CLASP2: variants seen among roughly 807,000 people sequenced by gnomAD.
CLASP2 encodes the protein cytoplasmic linker associated protein 2, also known as CLIP-associating protein 2.
In CLASP2, 47 loss-of-function variants were observed where a neutral mutation model predicts 194.4. The observed-to-expected ratio is 0.24, with a 90% confidence interval of 0.19 to 0.31. The LOEUF (loss-of-function observed/expected upper bound fraction) is 0.31, where lower values mean the gene tolerates loss of function less well. CLASP2 is among the 10% of genes least tolerant of loss of function. The pLI is 1.00. For synonymous variants in CLASP2, 619 were observed against 633.5 expected, an observed-to-expected ratio of 0.98 and a Z score of 0.34; for missense variants, 1,445 against 1,823.6, an observed-to-expected ratio of 0.79 and a Z score of 3.78.
intron 37 of CLASP2, among the ~76,000 whole-genome samples, chr3:33,505,765 GTT>G (rs1346610357): frequency 3.3e-5 from 5 of 152,136 alleles, no homozygotes; most frequent in Non-Finnish European, 7.3e-5. Context: ...ACCTAAAAAA[GTT>G]TTCTTATTTG....
chr3:33,585,020 G>C (rs897567070), intron 21 of CLASP2, 100 bp from the exon 22 acceptor site: 5 of 998,110 alleles, frequency 5.0e-6, no homozygotes, highest in Non-Finnish European at 7.2e-6. Flanking sequence ...AGAGAAAACT[G>C]TGACAGTATG....
chr3:33,645,828 A>C (rs1041963274), intron 7 of CLASP2, among the ~76,000 whole-genome samples: 5 of 152,046 alleles, frequency 3.3e-5, no homozygotes, highest in African/African-American at 1.2e-4. Context: ...AAACCAAACA[A>C]AACAATTTGT....
At chr3:33,694,459 CAG>C (rs1430586799) in intron 2 of CLASP2, among the ~76,000 whole-genome samples, 1 of 152,176 alleles carries the variant, frequency 6.6e-6, no homozygotes, top group Non-Finnish European at 1.5e-5. Flanking sequence ...CAATTAATAA[CAG>C]GGAGCTACTA....
At chr3:33,700,973 CAATT>C (rs1351368461) in intron 1 of CLASP2, among the ~76,000 whole-genome samples, 5 of 152,148 alleles carry the variant, frequency 3.3e-5, no homozygotes, top group African/African-American at 1.2e-4. Flanking sequence ...ATAATTCTAA[CAATT>C]AAGTCCAAGA....
rs528632382 is a variant in CLASP2 at position 33,590,972 on chromosome 3, G to A, written c.2068+1423C>T. Among the ~76,000 whole-genome samples, 13 of 152,206 alleles carry A rather than the reference G, an allele frequency of 8.5e-5. No homozygotes were observed. In the South Asian group the frequency reaches 2.7e-3, roughly 32 times the overall value. On this transcript the variant is annotated intron_variant, in intron 21 of 38. Coordinates refer to ENST00000682230, the MANE Select transcript of CLASP2 (RefSeq NM_001365631.1). ...GAGGCAGGAGTATGGCTTGAGCCCA[G>A]GAGTTTGAGACCAGCCTGGGCAACA... is the stretch of plus-strand genomic sequence containing the variant.
intron 7 of CLASP2, among the ~76,000 whole-genome samples, chr3:33,647,618 A>G (rs573502266): frequency 2.0e-5 from 3 of 152,224 alleles, no homozygotes; most frequent in African/African-American, 7.2e-5. Context: ...ATATACACAC[A>G]ATATGTAAAC....
chr3:33,657,896 T>G (rs1418899247), intron 7 of CLASP2, among the ~76,000 whole-genome samples: 3 of 152,102 alleles, frequency 2.0e-5, no homozygotes, highest in African/African-American at 7.2e-5. Context: ...CTTAGAAGAG[T>G]TCACTACATA....
At position 33,544,750 on chromosome 3, in the gene CLASP2, C is replaced by T. The variant is rs776709778; in HGVS notation, c.3245G>A (p.Gly1082Asp). The T allele has an allele frequency of 6.2e-7, 1 of 1,613,432 alleles. No individual in the cohort carries two copies. Among genetic ancestry groups the T allele is most frequent in the Non-Finnish European group, 8.5e-7 (1 of 1,179,620 alleles). Residue 1082 changes from glycine to aspartate, a missense_variant, in exon 31 of 39, where the codon GGT becomes GAT. This residue lies in a region of CLASP2 where 732 missense variants were observed against 987.9 expected (regional missense o/e 0.74). Transcript: ENST00000682230. The part of the protein sequence containing the change: ...LGALPKTFQD[G>D]ATKLLHNHLR... ...GTGATTATGAAGAAGCTTGGTAGCA[C>T]CATCCTGAAAAGTTTTTGGTAAAGC...
At chr3:33,551,939 G>GTTTT in intron 29 of CLASP2, among the ~76,000 whole-genome samples, 1 of 131,336 alleles carries the variant, frequency 7.6e-6, no homozygotes, top group Non-Finnish European at 1.7e-5. Flanking sequence ...GGGCAATATA[G>GTTTT]TTTTTTTTTT....
Position 33,596,556 on chromosome 3 carries a change from T to C in CLASP2, c.1948+155A>G, listed in dbSNP as rs754890702. 5.8e-6 allele frequency: 4 copies of C among 692,462 alleles called. No homozygotes were observed. In the East Asian group the frequency reaches 7.9e-5, roughly 14 times the overall value. The allele number at this position is 692,462 out of a possible 1,614,324, so 42.9% of individuals were successfully genotyped here. A position where few individuals can be genotyped will look rare whatever the true frequency, so the allele number is the denominator to read the frequency against. Reference sequence around the variant, plus strand: ...ATAGATATCCCTAACCCCAAATTCATTCAGAGAATTATGTAGCCATTTTCA... The same window carrying C: ...ATAGATATCCCTAACCCCAAATTCACTCAGAGAATTATGTAGCCATTTTCA... On this transcript the variant is annotated intron_variant, in intron 19 of 38. Transcript: ENST00000682230.
intron 18 of CLASP2, among the ~76,000 whole-genome samples, chr3:33,600,953 C>CTCT (rs1553830236): frequency 1.9e-5 from 2 of 105,782 alleles, no homozygotes; most frequent in Admixed American, 1.2e-4. Flanking sequence ...CTTGATAAGG[C>CTCT]TTTTTTTTTT....
intron 36 of CLASP2, among the ~76,000 whole-genome samples, chr3:33,514,386 G>A (rs1300605247): frequency 1.3e-5 from 2 of 152,122 alleles, no homozygotes; most frequent in Non-Finnish European, 2.9e-5. Context: ...TCTGTTGTTG[G>A]TTGCTTCTGC....
intron 26 of CLASP2, among the ~76,000 whole-genome samples, chr3:33,570,183 T>C (rs955655070): frequency 6.6e-6 from 1 of 152,132 alleles, no homozygotes; most frequent in Non-Finnish European, 1.5e-5. Context: ...AATAAATATA[T>C]TTTAATCAAC....
intron 1 of CLASP2, among the ~76,000 whole-genome samples, chr3:33,701,918 G>T (rs1361537897): frequency 6.6e-6 from 1 of 152,018 alleles, no homozygotes; most frequent in Non-Finnish European, 1.5e-5. Context: ...ATAATTCTTA[G>T]AGACAACATG....
At chr3:33,716,401 C>T (rs1161492125) in intron 1 of CLASP2, among the ~76,000 whole-genome samples, 1 of 152,146 alleles carries the variant, frequency 6.6e-6, no homozygotes, top group Non-Finnish European at 1.5e-5. Context: ...AGAATATCAG[C>T]GTGATTGCTC....
intron 12 of CLASP2, among the ~76,000 whole-genome samples, chr3:33,612,361 G>A (rs969753400): frequency 6.6e-6 from 1 of 152,164 alleles, no homozygotes; most frequent in Non-Finnish European, 1.5e-5. Context: ...GGGAGAGGGA[G>A]CACTAAGAGG....
At chr3:33,671,090 G>GA (rs35485300) in intron 6 of CLASP2, among the ~76,000 whole-genome samples, 1 of 151,342 alleles carries the variant, frequency 6.6e-6, no homozygotes. Context: ...CCTTCCACCT[G>GA]AAAAAAAAGG....
At chr3:33,507,605 C>G (rs528342811) in intron 37 of CLASP2, among the ~76,000 whole-genome samples, 1 of 152,240 alleles carries the variant, frequency 6.6e-6, no homozygotes, top group South Asian at 2.1e-4. Context: ...CTTCAGCCCC[C>G]CAAGTAGCTG....
At chr3:33,685,002 AAAAT>A (rs371649189) in intron 5 of CLASP2, among the ~76,000 whole-genome samples, 193 of 146,552 alleles carry the variant, frequency 1.3e-3, no homozygotes, top group South Asian at 2.6e-3. Flanking sequence ...ACTCCATCTC[AAAAT>A]AAATAAATAA....
Sources: gnomAD v4.1 joint callset for allele counts (sites outside exome capture counted in the v4.1 genomes callset) on GRCh38, gnomAD v4.1.1 for gene constraint, gnomAD v4.1.1 regional missense constraint, MANE v1.5 for transcripts, NCBI Gene and HGNC (gene_info 2026-07-23, HGNC 2026-07-21) for gene names.